Variants in NOMO3 observed in about 807,000 individuals in gnomAD.
The protein encoded by NOMO3 is NODAL modulator 3.
A neutral mutation model predicts 69.9 loss-of-function variants in NOMO3; 15 were observed. The observed-to-expected ratio is 0.21, with a 90% CI of 0.14 to 0.33. The LOEUF is 0.33. Ranked by LOEUF, NOMO3 falls within the 10% of genes least tolerant of loss-of-function variation. The pLI, the probability that NOMO3 is intolerant of heterozygous loss-of-function variation, is 1.00. For missense variants in NOMO3, 218 were observed against 761.0 expected (o/e 0.29, Z 8.39); for synonymous variants, 89 against 301.9 (o/e 0.29, Z 7.31).
chr16:16,255,648 C>A, intron 9 of NOMO3, 72 bp from the exon 10 acceptor site: 9 of 1,366,982 alleles, frequency 6.6e-6, no homozygotes, highest in Non-Finnish European at 9.1e-6. Context: ...TGGTGGCCGG[C>A]GCAGCAGAAG....
intron 2 of NOMO3, 141 bp downstream of exon 2, chr16:16,237,131 T>G: frequency 1.3e-6 from 1 of 792,406 alleles, no homozygotes; most frequent in Non-Finnish European, 2.0e-6. Flanking sequence ...CCTAGCCACA[T>G]TTGGAGGGAG....
At chr16:16,245,558 C>T (rs1380121395) in intron 5 of NOMO3, among the ~76,000 whole-genome samples, 2 of 134,762 alleles carry the variant, frequency 1.5e-5, no homozygotes, top group African/African-American at 6.5e-5. Context: ...AAGTAGAGTC[C>T]CATGGGGGAA....
chr16:16,232,673 G>C lies in NOMO3; in HGVS notation c.7G>C (p.Val3Leu), dbSNP rs1207364475. ML[V>L]GQGAGPLGPA... ...AGCTGGGGGAGGTCGGGCCATGCTG[G>C]TGGGCCAGGGCGCGGGGCCGCTGGG... is the stretch of plus-strand genomic sequence containing the variant. Residue 3 changes from valine (V) to leucine (L), a missense_variant, in exon 1 of 31, where the codon GTG (valine) becomes CTG (leucine). By Grantham distance (32) the Val-to-Leu change is conservative. Coordinates refer to ENST00000399336, the MANE Select transcript of NOMO3 (RefSeq NM_001004067.4). 3.7e-5 allele frequency: 31 copies of C among 833,666 alleles called. No homozygotes were observed. The Admixed American group carries it at 5.3e-4, about 14-fold the overall frequency. The allele number at this position is 833,666 out of a possible 1,614,324, so 51.6% of individuals were successfully genotyped here. A position where few individuals can be genotyped will look rare whatever the true frequency, so the allele number is the denominator to read the frequency against.
At chr16:16,241,557 C>T (rs1195984703) in intron 3 of NOMO3, among the ~76,000 whole-genome samples, 1 of 106,626 alleles carries the variant, frequency 9.4e-6, no homozygotes, top group African/African-American at 4.5e-5. Context: ...CAGGTGTGCA[C>T]CACCACACCC....
At position 16,257,648 on chromosome 16, in the gene NOMO3, G is replaced by T. The variant is rs369390231; in HGVS notation, c.1220+1490G>T. ...CAGAGTGCCAGGTGGCCCAGGGGGGGACCTAGGGAGCCTGAGGTCATAGGA... is the reference window on the plus strand; with the variant it reads ...CAGAGTGCCAGGTGGCCCAGGGGGGTACCTAGGGAGCCTGAGGTCATAGGA... On this transcript the variant is annotated intron_variant, in intron 11 of 30. Coordinates refer to ENST00000399336, the MANE Select transcript of NOMO3 (RefSeq NM_001004067.4). 1.3e-4 allele frequency among the ~76,000 whole-genome samples: 19 copies of T among 142,442 alleles called. 2 individuals carry two copies. The highest frequency in any genetic ancestry group is 1.1e-3 in the East Asian group (5 of 4,382). The allele number at this position is 142,442 out of a possible 152,430, so 93.4% of individuals were successfully genotyped here.
chr16:16,251,585 T>A (rs570517509), intron 7 of NOMO3: 1 of 299,206 alleles, frequency 3.3e-6, no homozygotes, highest in African/African-American at 2.7e-5. Context: ...TGGTATGTGA[T>A]GGAAAGTACA....
At chr16:16,240,222 A>G (rs1181636474) in intron 3 of NOMO3, among the ~76,000 whole-genome samples, 1 of 144,690 alleles carries the variant, frequency 6.9e-6, no homozygotes, top group African/African-American at 2.8e-5. Flanking sequence ...CCATCCCAGG[A>G]TGGCTTCTTT....
intron 15 of NOMO3, among the ~76,000 whole-genome samples, chr16:16,266,276 G>A (rs1271702707): frequency 1.5e-5 from 2 of 131,782 alleles, no homozygotes; most frequent in African/African-American, 3.3e-5. Context: ...TCCACAGGTC[G>A]ATTTGTTATA....
chr16:16,265,019 C>G, intron 14 of NOMO3, 24 bp from the exon 15 acceptor site: 2 of 1,493,272 alleles, frequency 1.3e-6, no homozygotes, highest in South Asian at 1.2e-5. Flanking sequence ...CCCATGTATC[C>G]GTTTTTGGTG....
rs976450140 is a variant in NOMO3 at position 16,239,025 on chromosome 16, C to T, written c.256-826C>T. ...CCCAGGAGACGGAGGTTGCAGTGAG[C>T]CAAGATCGCACCACTTCACTCCAGC... On this transcript the variant is annotated intron_variant, in intron 2 of 30. Transcript: ENST00000399336. Among the ~76,000 whole-genome samples the T allele has an allele frequency of 8.8e-4, 123 of 139,030 alleles. 21 individuals carry two copies. The highest frequency in any genetic ancestry group is 3.6e-3 in the African/African-American group (117 of 32,948). 91.2% of individuals were successfully genotyped at this position (139,030 alleles called of 152,430 possible).
In NOMO3 at chr16:16,244,166, A is replaced by G. The variant is rs564770959; in HGVS notation, c.403-902A>G. Among the ~76,000 whole-genome samples the G allele has an allele frequency of 3.1e-4, 44 of 140,438 alleles. 2 individuals carry two copies. The highest frequency in any genetic ancestry group is 2.3e-3 in the South Asian group (10 of 4,344). The allele number at this position is 140,438 out of a possible 152,430, so 92.1% of individuals were successfully genotyped here. ...CTTCCTGTCCTTCTCTTCATGATGG[A>G]CTTCTTTCTCCTCTACCTTTGCGGT... On this transcript the variant is annotated intron_variant, in intron 4 of 30. Coordinates refer to ENST00000399336, the MANE Select transcript of NOMO3 (RefSeq NM_001004067.4).
intron 18 of NOMO3, among the ~76,000 whole-genome samples, chr16:16,273,151 ACTGTCC>A (rs2049671482): frequency 1.2e-5 from 1 of 84,646 alleles, no homozygotes; most frequent in Admixed American, 1.2e-4. Flanking sequence ...AAAGGCCTTG[ACTGTCC>A]CTTTAATGTA....
At chr16:16,242,895 C>T (rs1486171034) in intron 3 of NOMO3, among the ~76,000 whole-genome samples, 2 of 142,310 alleles carry the variant, frequency 1.4e-5, no homozygotes, top group South Asian at 2.3e-4. Flanking sequence ...AGCTGAAAGG[C>T]GTTGTAAAAT....
In NOMO3 at chr16:16,255,648, C is replaced by T. The variant is rs560058154; in HGVS notation, c.964-72C>T. 2,405 of 1,366,976 alleles carry T rather than the reference C, an allele frequency of 1.8e-3. 431 individuals are homozygous for T. The African/African-American group carries it at 0.038, about 22-fold the overall frequency. 84.7% of individuals were successfully genotyped at this position (1,366,976 alleles called of 1,614,324 possible). Reference sequence around the variant, plus strand: ...AGCAGACATGGTAGGTGGTGGCCGGCGCAGCAGAAGGAGGCTTTGTGGCTC... The same window carrying T: ...AGCAGACATGGTAGGTGGTGGCCGGTGCAGCAGAAGGAGGCTTTGTGGCTC... On this transcript the variant is annotated intron_variant, in intron 9 of 30. Transcript: ENST00000399336.
rs553205344 is a variant in NOMO3 at position 16,241,217 on chromosome 16, A to C, written c.301+1321A>C. ...GTGACCACCACCCTGACCTTCTACA[A>C]ATTAGAGATCCATTTGGTCTGTTTT... On this transcript the variant is annotated intron_variant, in intron 3 of 30. Coordinates refer to ENST00000399336, the MANE Select transcript of NOMO3 (RefSeq NM_001004067.4). Among the ~76,000 whole-genome samples, 9 of 144,288 alleles carry C rather than the reference A, an allele frequency of 6.2e-5. 1 individual carries two copies. In the East Asian group the frequency reaches 2.1e-3, roughly 33 times the overall value. 94.7% of individuals were successfully genotyped at this position (144,288 alleles called of 152,430 possible). A position where few individuals can be genotyped will look rare whatever the true frequency, so the allele number is the denominator to read the frequency against.
At chr16:16,265,715 C>G (rs1212879763) in intron 15 of NOMO3, among the ~76,000 whole-genome samples, 1 of 76,206 alleles carries the variant, frequency 1.3e-5, no homozygotes, top group Non-Finnish European at 2.1e-5. Context: ...GAGTCTTGCT[C>G]TGTTGCCCAG....
chr16:16,265,305 A>T (rs386382), intron 15 of NOMO3, 126 bp downstream of exon 15: 2 of 1,542,724 alleles, frequency 1.3e-6, no homozygotes, highest in East Asian at 5.3e-5. Flanking sequence ...CTCTGCACTC[A>T]CCCACCTGTT....
chr16:16,266,026 A>G (rs1040694121), intron 15 of NOMO3, among the ~76,000 whole-genome samples: 1 of 144,504 alleles, frequency 6.9e-6, no homozygotes, highest in African/African-American at 2.8e-5. Flanking sequence ...GTGCAGGGGA[A>G]GAAGCTGTAA....
At chr16:16,268,540 G>A (rs2049637845) in intron 16 of NOMO3, among the ~76,000 whole-genome samples, 1 of 143,276 alleles carries the variant, frequency 7.0e-6, no homozygotes, top group Admixed American at 6.7e-5. Flanking sequence ...TCCTTAACCT[G>A]ATCTTAGCTC....
Sources: allele counts gnomAD v4.1 joint callset (sites outside exome capture counted in the v4.1 genomes callset), GRCh38; gene constraint gnomAD v4.1.1; transcripts MANE v1.5; gene names NCBI Gene and HGNC (gene_info 2026-07-23, HGNC 2026-07-21).